CDH4: variants seen among roughly 807,000 people sequenced by gnomAD.
CDH4 encodes cadherin-4.
Under a neutral mutation model 86.0 loss-of-function variants are expected in CDH4, and 33 were observed. The ratio of observed to expected loss-of-function variants is 0.38; its 90% confidence interval spans 0.29 to 0.51. The LOEUF is 0.51. CDH4 is among the 20% of genes least tolerant of loss of function. The pLI, the probability that CDH4 is intolerant of heterozygous loss-of-function variation, is 0.86. For missense variants in CDH4, 1,114 were observed against 1,307.4 expected (o/e 0.85, Z 2.28); for synonymous variants, 555 against 549.4 (o/e 1.01, Z -0.14).
Position 61,904,309 on chromosome 20 carries a change from T to C in CDH4, c.1189-6113T>C, listed in dbSNP as rs552453060. Among the ~76,000 whole-genome samples the C allele has an allele frequency of 5.1e-4, 77 of 152,274 alleles. 1 individual carries two copies. The highest frequency in any genetic ancestry group is 1.6e-3 in the African/African-American group (68 of 41,562). ...TCTGGGTACCTGGAGTTCATGGTCA[T>C]GGAGCATGGGGGTCACCAGGCAGCT... On this transcript the variant is annotated intron_variant, in intron 8 of 15. Transcript: ENST00000614565.
chr20:61,545,512 C>A (rs1308236895), intron 2 of CDH4, among the ~76,000 whole-genome samples: 1 of 152,242 alleles, frequency 6.6e-6, no homozygotes, highest in African/African-American at 2.4e-5. Context: ...ACTGTCTGGG[C>A]ACCCACATCT....
At position 61,392,156 on chromosome 20, in the gene CDH4, G is replaced by C. The variant is rs1326298852; in HGVS notation, c.169+137219G>C. On this transcript the variant is annotated intron_variant, in intron 2 of 15. Transcript: ENST00000614565. This position sits in a 1 kb window ranked among gnomAD's most constrained non-coding sequence, Gnocchi z 5.7. Reference sequence around the variant, plus strand: ...AGCCCGTGCTGCAGGAGGTGAACCCGGGCATGTGACACGGTCACAGGGACT... The same window carrying C: ...AGCCCGTGCTGCAGGAGGTGAACCCCGGCATGTGACACGGTCACAGGGACT... Among the ~76,000 whole-genome samples, 1 of 151,706 alleles carries C rather than the reference G, an allele frequency of 6.6e-6. No homozygotes were observed.
intron 2 of CDH4, among the ~76,000 whole-genome samples, chr20:61,340,358 G>C (rs1242355983): frequency 6.6e-6 from 1 of 152,206 alleles, no homozygotes; most frequent in Non-Finnish European, 1.5e-5. Flanking sequence ...CTGCCAGCCT[G>C]CCGCTGTCCA....
At chr20:61,746,853 C>T in intron 3 of CDH4, among the ~76,000 whole-genome samples, 1 of 152,180 alleles carries the variant, frequency 6.6e-6, no homozygotes, top group East Asian at 1.9e-4. Flanking sequence ...GGCATGGGGG[C>T]AGGAGGAGGC....
At chr20:61,934,243 G>A (rs202024116) in intron 15 of CDH4, 23 bp downstream of exon 15, 1 of 1,513,564 alleles carries the variant, frequency 6.6e-7, no homozygotes, top group Non-Finnish European at 8.9e-7. Flanking sequence ...CGGCAGTGGG[G>A]GGCCCGGGCA....
At chr20:61,507,709 C>T (rs941316124) in intron 2 of CDH4, among the ~76,000 whole-genome samples, 1 of 152,142 alleles carries the variant, frequency 6.6e-6, no homozygotes, top group African/African-American at 2.4e-5. Flanking sequence ...ATGATGACTC[C>T]ATGTCATGTG....
At chr20:61,585,454 T>C (rs1367310376) in intron 2 of CDH4, among the ~76,000 whole-genome samples, 3 of 152,282 alleles carry the variant, frequency 2.0e-5, no homozygotes, top group Non-Finnish European at 4.4e-5. Flanking sequence ...ATTTGTGTTT[T>C]ATAAAATGCC....
intron 2 of CDH4, among the ~76,000 whole-genome samples, chr20:61,358,668 A>G (rs28583686): frequency 0.22 from 33,796 of 152,156 alleles, 4,246 homozygotes; most frequent in East Asian, 0.34. Context: ...CTGGTTTTCT[A>G]TTGCAAACCT....
intron 2 of CDH4, among the ~76,000 whole-genome samples, chr20:61,548,520 C>T (rs2086105109): frequency 6.6e-6 from 1 of 151,880 alleles, no homozygotes; most frequent in Non-Finnish European, 1.5e-5. Context: ...TAATATGGAA[C>T]TATCAAGCAG....
At chr20:61,882,932 C>T (rs1301248428) in intron 7 of CDH4, among the ~76,000 whole-genome samples, 1 of 152,046 alleles carries the variant, frequency 6.6e-6, no homozygotes, top group Non-Finnish European at 1.5e-5. Context: ...GCCACTCAGA[C>T]CACGGAGCAC....
At chr20:61,657,876 A>C (rs1218705454) in intron 2 of CDH4, among the ~76,000 whole-genome samples, 3 of 152,226 alleles carry the variant, frequency 2.0e-5, no homozygotes, top group African/African-American at 7.2e-5. Flanking sequence ...CATTTGTGCT[A>C]CGTCACGGTG....
intron 2 of CDH4, among the ~76,000 whole-genome samples, chr20:61,496,229 G>C (rs2085661281): frequency 6.6e-6 from 1 of 151,724 alleles, no homozygotes; most frequent in African/African-American, 2.4e-5. Context: ...GTGAGACCCT[G>C]TCTGTACAAA....
At position 61,393,797 on chromosome 20, in the gene CDH4, G is replaced by A. The variant is rs2085000178; in HGVS notation, c.169+138860G>A. On this transcript the variant is annotated intron_variant, in intron 2 of 15. Transcript: ENST00000614565. The surrounding 1 kb of genome is among the most constrained non-coding windows in gnomAD (Gnocchi z 4.3). ...CGTGCAGTGAACTCTTACACCCCAG[G>A]GCTCAGTGTGTGAGAGCTACTGCCA... 6.6e-6 allele frequency among the ~76,000 whole-genome samples: 1 copy of A among 151,820 alleles called. No individual in the cohort carries two copies. Among genetic ancestry groups the A allele is most frequent in the African/African-American group, 2.4e-5 (1 of 41,302 alleles).
chr20:61,872,292 G>A (rs1056910401), intron 6 of CDH4, among the ~76,000 whole-genome samples: 1 of 152,308 alleles, frequency 6.6e-6, no homozygotes, highest in African/African-American at 2.4e-5. Flanking sequence ...TTTCAATGCA[G>A]GTGAGATGAG....
At chr20:61,444,371 A>ATGTG (rs1332788887) in intron 2 of CDH4, among the ~76,000 whole-genome samples, 27 of 36,238 alleles carry the variant, frequency 7.5e-4, no homozygotes, top group African/African-American at 2.6e-3. Flanking sequence ...GTGTTTCTGC[A>ATGTG]TGTGTGTGTC....
chr20:61,311,444 A>G (rs994968411), intron 2 of CDH4, among the ~76,000 whole-genome samples: 1 of 152,372 alleles, frequency 6.6e-6, no homozygotes, highest in Middle Eastern at 3.4e-3. Context: ...GATGTAATAT[A>G]GACTGGTGAG....
chr20:61,606,037 G>A (rs1363989121), intron 2 of CDH4, among the ~76,000 whole-genome samples: 5 of 152,146 alleles, frequency 3.3e-5, no homozygotes, highest in East Asian at 3.8e-4. Context: ...ATGGCATCCC[G>A]CTGACTCTGA....
At chr20:61,618,482 G>A (rs1471207018) in intron 2 of CDH4, among the ~76,000 whole-genome samples, 10 of 152,208 alleles carry the variant, frequency 6.6e-5, no homozygotes, top group African/African-American at 2.4e-4. Flanking sequence ...GTGGCACAGA[G>A]ATGCCCGGGG....
intron 8 of CDH4, among the ~76,000 whole-genome samples, chr20:61,908,490 C>T (rs1444739669): frequency 2.0e-5 from 3 of 152,182 alleles, no homozygotes; most frequent in African/African-American, 7.2e-5. Flanking sequence ...CTCACAGCCT[C>T]CTCTCACACC....
Sources: gnomAD v4.1 joint callset for allele counts (sites outside exome capture counted in the v4.1 genomes callset) on GRCh38, gnomAD v4.1.1 for gene constraint, Gnocchi (gnomAD v3.1) non-coding constraint, MANE v1.5 for transcripts, NCBI Gene and HGNC (gene_info 2026-07-23, HGNC 2026-07-21) for gene names.